The following UNC5D variants were observed in gnomAD, a reference collection of about 807,000 sequenced individuals.
UNC5D encodes unc-5 netrin receptor D.
A neutral mutation model predicts 105.4 loss-of-function variants in UNC5D; 39 were observed. The observed-to-expected ratio is 0.37, with a 90% confidence interval of 0.29 to 0.48. The LOEUF is 0.48. Among genes scored for constraint, UNC5D ranks in the 20% least tolerant of loss-of-function variants. The pLI is 0.98. For synonymous variants in UNC5D, 452 were observed against 450.4 expected (o/e 1.00, Z -0.04); for missense variants, 991 against 1,202.4 (o/e 0.82, Z 2.60).
chr8:35,662,819 G>A (rs1276251911), intron 4 of UNC5D, among the ~76,000 whole-genome samples: 2 of 152,176 alleles, frequency 1.3e-5, no homozygotes, highest in Non-Finnish European at 2.9e-5. Flanking sequence ...GGCCAGTTAG[G>A]TACTGGGCCC....
At chr8:35,352,208 T>A (rs1194048021) in intron 1 of UNC5D, among the ~76,000 whole-genome samples, 1 of 152,046 alleles carries the variant, frequency 6.6e-6, no homozygotes, top group Non-Finnish European at 1.5e-5. Context: ...TATTGACACA[T>A]AAGATGGTTA....
intron 1 of UNC5D, among the ~76,000 whole-genome samples, chr8:35,492,248 G>A (rs985877065): frequency 3.3e-5 from 5 of 152,030 alleles, no homozygotes; most frequent in Non-Finnish European, 2.9e-5. Flanking sequence ...ACTAAGCTCT[G>A]AGGGAGAGCT....
intron 15 of UNC5D, among the ~76,000 whole-genome samples, chr8:35,768,854 A>G (rs1409200524): frequency 6.6e-6 from 1 of 152,190 alleles, no homozygotes; most frequent in Non-Finnish European, 1.5e-5. Flanking sequence ...TATGAGAATA[A>G]TATTTCAATA....
At chr8:35,593,337 ACTTT>A (rs1819295675) in intron 3 of UNC5D, among the ~76,000 whole-genome samples, 1 of 152,222 alleles carries the variant, frequency 6.6e-6, no homozygotes, top group Non-Finnish European at 1.5e-5. Context: ...TGTTTTCTAT[ACTTT>A]ATCTGGCTGA....
chr8:35,388,873 G>A (rs1013926094), intron 1 of UNC5D, among the ~76,000 whole-genome samples: 4 of 152,148 alleles, frequency 2.6e-5, no homozygotes, highest in African/African-American at 7.2e-5. Flanking sequence ...TGAAATTTTG[G>A]CATTGATAAG....
intron 4 of UNC5D, among the ~76,000 whole-genome samples, chr8:35,606,764 ATT>A (rs773291976): frequency 9.9e-5 from 15 of 152,242 alleles, no homozygotes; most frequent in Non-Finnish European, 1.8e-4. Flanking sequence ...GCAAAAATAC[ATT>A]TTGTTTCATA....
chr8:35,441,522 C>A (rs889254770), intron 1 of UNC5D, among the ~76,000 whole-genome samples: 1 of 151,734 alleles, frequency 6.6e-6, no homozygotes, highest in Non-Finnish European at 1.5e-5. Context: ...AATTTAGTCT[C>A]CTCCACTTCC....
chr8:35,352,449 A>G (rs1376469359), intron 1 of UNC5D, among the ~76,000 whole-genome samples: 1 of 152,150 alleles, frequency 6.6e-6, no homozygotes. Context: ...AACATAAATT[A>G]TAAGTAAAAT....
intron 1 of UNC5D, among the ~76,000 whole-genome samples, chr8:35,530,371 C>A (rs1219353463): frequency 2.5e-5 from 2 of 81,400 alleles, no homozygotes; most frequent in Non-Finnish European, 4.7e-5. Flanking sequence ...TATATTGAAC[C>A]AGCCTTGCAT....
chr8:35,564,260 A>G (rs1817171977), intron 2 of UNC5D, among the ~76,000 whole-genome samples: 1 of 152,102 alleles, frequency 6.6e-6, no homozygotes, highest in Admixed American at 6.6e-5. Flanking sequence ...GCAGCTGGGT[A>G]AAATGCTTAA....
chr8:35,464,054 C>T (rs1809114834), intron 1 of UNC5D, among the ~76,000 whole-genome samples: 1 of 152,138 alleles, frequency 6.6e-6, no homozygotes, highest in South Asian at 2.1e-4. Flanking sequence ...CGGCCAGGCG[C>T]AGTAGCTCAC....
chr8:35,561,020 A>G (rs914502984), intron 2 of UNC5D, among the ~76,000 whole-genome samples: 1 of 152,188 alleles, frequency 6.6e-6, no homozygotes, highest in Non-Finnish European at 1.5e-5. Flanking sequence ...CACAATGTGC[A>G]GTTCTCTTTG....
chr8:35,789,730 G>C (rs1321593091), intron 16 of UNC5D, among the ~76,000 whole-genome samples: 1 of 152,026 alleles, frequency 6.6e-6, no homozygotes. Flanking sequence ...TAGCATATAA[G>C]CCCACTGAGG....
At chr8:35,775,420 G>T (rs1290213359) in intron 16 of UNC5D, among the ~76,000 whole-genome samples, 4 of 152,108 alleles carry the variant, frequency 2.6e-5, no homozygotes, top group Non-Finnish European at 1.5e-5. Flanking sequence ...GACAGGCAGG[G>T]GTGATGCTCT....
At chr8:35,785,278 T>C (rs553672030) in intron 16 of UNC5D, among the ~76,000 whole-genome samples, 2 of 152,228 alleles carry the variant, frequency 1.3e-5, no homozygotes, top group Non-Finnish European at 2.9e-5. Context: ...ACCAATTTCA[T>C]AAAATCATAA....
chr8:35,462,793 C>T (rs1274661936), intron 1 of UNC5D, among the ~76,000 whole-genome samples: 11 of 152,180 alleles, frequency 7.2e-5, no homozygotes, highest in Non-Finnish European at 1.3e-4. Flanking sequence ...GCCAAAGTCA[C>T]TGCCCTATTG....
chr8:35,392,704 G>A (rs1051170758), intron 1 of UNC5D, among the ~76,000 whole-genome samples: 2 of 152,196 alleles, frequency 1.3e-5, no homozygotes, highest in Non-Finnish European at 2.9e-5. Flanking sequence ...AATACTCACA[G>A]GTTCTAGGGA....
At chr8:35,590,377 A>C (rs1226002045) in intron 3 of UNC5D, among the ~76,000 whole-genome samples, 2 of 152,150 alleles carry the variant, frequency 1.3e-5, no homozygotes, top group African/African-American at 4.8e-5. Flanking sequence ...CTGTAGTTTT[A>C]TGTAAAAATA....
At chr8:35,375,837 G>A (rs963412924) in intron 1 of UNC5D, among the ~76,000 whole-genome samples, 2 of 152,066 alleles carry the variant, frequency 1.3e-5, no homozygotes, top group African/African-American at 2.4e-5. Flanking sequence ...TTTTGTGTTA[G>A]AGCCCAGGGC....
Sources: allele counts gnomAD v4.1 joint callset (sites outside exome capture counted in the v4.1 genomes callset), GRCh38; gene constraint gnomAD v4.1.1; transcripts MANE v1.5; gene names NCBI Gene and HGNC (gene_info 2026-07-23, HGNC 2026-07-21).